Variants in NAV3 observed in about 807,000 individuals in gnomAD.
NAV3 encodes neuron navigator 3.
A neutral mutation model predicts 244.7 loss-of-function variants in NAV3; 87 were observed. The ratio of observed to expected loss-of-function variants is 0.36; its 90% confidence interval spans 0.30 to 0.42. The LOEUF (loss-of-function observed/expected upper bound fraction) is 0.42, where lower values mean the gene tolerates loss of function less well. NAV3 is among the 20% of genes least tolerant of loss of function. The pLI is 1.00. For missense variants in NAV3, 2,663 were observed against 2,893.3 expected, an observed-to-expected ratio of 0.92 and a Z score of 1.83; for synonymous variants, 1,126 against 1,042.2, an observed-to-expected ratio of 1.08 and a Z score of -1.55.
At position 78,211,848 on chromosome 12, in the gene NAV3, C is replaced by A. The variant is rs3803039; in HGVS notation, c.*1331C>A. 6.6e-6 allele frequency: 1 copy of A among 152,214 alleles called. No homozygotes were observed. Among genetic ancestry groups the A allele is most frequent in the African/African-American group, 2.4e-5 (1 of 41,296 alleles). The allele number at this position is 152,214 out of a possible 1,614,324, so 9.4% of individuals were successfully genotyped here. On this transcript the variant is annotated 3_prime_UTR_variant, in exon 40 of 40. Coordinates refer to ENST00000397909, the MANE Select transcript of NAV3 (RefSeq NM_001024383.2). Reference sequence around the variant, plus strand: ...GGTAAGGTCACTGTGGAAGAGGAAGCGTTTATACTGTAAAAGAAGGTTAGA... The same window carrying A: ...GGTAAGGTCACTGTGGAAGAGGAAGAGTTTATACTGTAAAAGAAGGTTAGA...
At chr12:77,978,143 A>G (rs965038398) in intron 5 of NAV3, among the ~76,000 whole-genome samples, 2 of 152,228 alleles carry the variant, frequency 1.3e-5, no homozygotes, top group Admixed American at 1.3e-4. Context: ...TTCCAAAAGA[A>G]CTGTGAGAAT....
intron 18 of NAV3, among the ~76,000 whole-genome samples, chr12:78,130,088 T>G (rs529956671): frequency 6.6e-6 from 1 of 152,204 alleles, no homozygotes; most frequent in Non-Finnish European, 1.5e-5. Flanking sequence ...GCCTTGTATT[T>G]TCCAGGTTTT....
rs79813858 is a variant in NAV3, at chr12:77,935,824, G to A, written c.244-4495G>A. 3.7e-4 allele frequency among the ~76,000 whole-genome samples: 57 copies of A among 152,304 alleles called. No homozygotes were observed. In the East Asian group the frequency reaches 8.7e-3, roughly 23 times the overall value. ...TGAAGGAGAAGCAAGATCATCTTACGTGGTGGGAGCCAGAGGAAGAGAGAG... is the reference window on the plus strand; with the variant it reads ...TGAAGGAGAAGCAAGATCATCTTACATGGTGGGAGCCAGAGGAAGAGAGAG... On this transcript the variant is annotated intron_variant, in intron 1 of 39. Transcript: ENST00000397909.
intron 24 of NAV3, 70 bp downstream of exon 24, chr12:78,168,936 A>T: frequency 9.8e-7 from 1 of 1,015,876 alleles, no homozygotes; most frequent in Non-Finnish European, 1.5e-6. Context: ...ATTACAGTAG[A>T]ACTGCATTTA....
At chr12:78,109,750 C>T (rs1954991574) in intron 12 of NAV3, among the ~76,000 whole-genome samples, 1 of 151,830 alleles carries the variant, frequency 6.6e-6, no homozygotes, top group African/African-American at 2.4e-5. Flanking sequence ...TTCAACATCT[C>T]TTCATGAAAA....
chr12:77,882,019 C>A (rs1882708732), intron 1 of NAV3, among the ~76,000 whole-genome samples: 1 of 152,010 alleles, frequency 6.6e-6, no homozygotes, highest in African/African-American at 2.4e-5. Flanking sequence ...TTTAAAGATG[C>A]AATGCTATTC....
chr12:78,184,954 T>C (rs1191117574), intron 30 of NAV3, among the ~76,000 whole-genome samples: 1 of 151,840 alleles, frequency 6.6e-6, no homozygotes, highest in Non-Finnish European at 1.5e-5. Context: ...GCTGATATTT[T>C]AAAGGTAGCT....
In NAV3 at chr12:78,073,548, C is replaced by G. The variant is rs866267205; in HGVS notation, c.2636+14433C>G. 3.9e-4 allele frequency among the ~76,000 whole-genome samples: 59 copies of G among 151,958 alleles called. No individual in the cohort carries two copies. The Middle Eastern group carries it at 0.014, about 35-fold the overall frequency. The stretch of plus-strand genomic sequence containing the variant: ...TCAAGGAAATAAAAGAGGATACAAA[C>G]AAATGGAAGAACATTCCATGCTCAT... On this transcript the variant is annotated intron_variant, in intron 12 of 39. Coordinates refer to ENST00000397909, the MANE Select transcript of NAV3 (RefSeq NM_001024383.2).
chr12:77,669,678 C>T (rs934108510), intron 2 of NAV3, among the ~76,000 whole-genome samples: 2 of 152,088 alleles, frequency 1.3e-5, no homozygotes, highest in African/African-American at 4.8e-5. Flanking sequence ...ATGCACCTAA[C>T]ACTAGAGCTC....
At chr12:77,717,368 G>A (rs948255160) in intron 2 of NAV3, among the ~76,000 whole-genome samples, 2 of 151,996 alleles carry the variant, frequency 1.3e-5, no homozygotes, top group Non-Finnish European at 2.9e-5. Context: ...GTGGAATCAT[G>A]CAGTATTTGT....
chr12:77,865,112 T>C (rs1473575211), intron 1 of NAV3, among the ~76,000 whole-genome samples: 1 of 152,092 alleles, frequency 6.6e-6, no homozygotes, highest in Non-Finnish European at 1.5e-5. Flanking sequence ...TCAGGTAAAA[T>C]ATAAATAGTG....
rs1282576923 is a variant in NAV3, at chr12:77,766,175, C to T, written c.73-174144C>T. On this transcript the variant is annotated intron_variant, in intron 2 of 8. Transcript: ENST00000550042. Reference sequence around the variant, plus strand: ...AGCTAATAAAAATAAACTTAGCTCACGTTTATCACACTAGGGAAAAGAAGG... The same window carrying T: ...AGCTAATAAAAATAAACTTAGCTCATGTTTATCACACTAGGGAAAAGAAGG... Among the ~76,000 whole-genome samples, 6 of 152,016 alleles carry T rather than the reference C, an allele frequency of 3.9e-5. No homozygotes were observed. In the South Asian group the frequency reaches 6.2e-4, roughly 16 times the overall value.
chr12:78,027,826 GTTTTT>G (rs1878330937), intron 9 of NAV3, among the ~76,000 whole-genome samples: 1 of 151,732 alleles, frequency 6.6e-6, no homozygotes, highest in Non-Finnish European at 1.5e-5. Flanking sequence ...TTTTTGTTTT[GTTTTT>G]GTTTTTGTTT....
At chr12:78,111,567 T>C (rs1955094166) in intron 12 of NAV3, among the ~76,000 whole-genome samples, 1 of 152,126 alleles carries the variant, frequency 6.6e-6, no homozygotes, top group Non-Finnish European at 1.5e-5. Flanking sequence ...AATGAAATAC[T>C]ACTAGATAGG....
At chr12:77,807,400 G>C (rs1307504181) in intron 2 of NAV3, among the ~76,000 whole-genome samples, 1 of 152,148 alleles carries the variant, frequency 6.6e-6, no homozygotes, top group African/African-American at 2.4e-5. Context: ...GCATTTGCTT[G>C]TCTGTAAAGG....
At chr12:77,965,142 A>G (rs539665316) in intron 3 of NAV3, among the ~76,000 whole-genome samples, 1 of 152,338 alleles carries the variant, frequency 6.6e-6, no homozygotes, top group South Asian at 2.1e-4. Context: ...CTAAAGATTT[A>G]TAGAATACCC....
At chr12:78,102,143 G>T (rs117615076) in intron 12 of NAV3, among the ~76,000 whole-genome samples, 1 of 152,108 alleles carries the variant, frequency 6.6e-6, no homozygotes, top group Admixed American at 6.5e-5. Context: ...GACAAGGAAA[G>T]TCCCTTCCAC....
intron 12 of NAV3, among the ~76,000 whole-genome samples, chr12:78,092,491 CTTTTTTTTTT>C (rs71088358): frequency 2.8e-4 from 18 of 64,006 alleles, no homozygotes; most frequent in Non-Finnish European, 5.2e-4. Flanking sequence ...TAGTTATTTT[CTTTTTTTTTT>C]TTTTTTTTTT....
At chr12:77,614,074 CTTTTTTT>C (rs71440485) in intron 2 of NAV3, among the ~76,000 whole-genome samples, 278 of 95,676 alleles carry the variant, frequency 2.9e-3, no homozygotes, top group Admixed American at 7.5e-3. Context: ...TTCTTTCTCT[CTTTTTTT>C]TTTTTTTTTT....
Sources: allele counts gnomAD v4.1 joint callset (sites outside exome capture counted in the v4.1 genomes callset), GRCh38; gene constraint gnomAD v4.1.1; transcripts MANE v1.5; gene names NCBI Gene and HGNC (gene_info 2026-07-23, HGNC 2026-07-21).